Variants in KAZN observed in about 807,000 individuals in gnomAD.
KAZN encodes the protein kazrin.
A neutral mutation model predicts 87.4 loss-of-function variants in KAZN; 40 were observed. That is an observed-to-expected ratio of 0.46 (90% CI 0.36 to 0.60). KAZN has a LOEUF of 0.60. KAZN is among the 20% of genes least tolerant of loss of function. The pLI is 0.00. For missense variants in KAZN, 898 were observed against 1,073.9 expected, an observed-to-expected ratio of 0.84 and a Z score of 2.29; for synonymous variants, 466 against 458.3, an observed-to-expected ratio of 1.02 and a Z score of -0.22.
At chr1:14,867,399 T>C (rs1651588262) in intron 1 of KAZN, among the ~76,000 whole-genome samples, 1 of 152,162 alleles carries the variant, frequency 6.6e-6, no homozygotes, top group South Asian at 2.1e-4. Context: ...AAGACCATTG[T>C]ATTCCCCCGG....
chr1:14,334,406 G>T (rs1657081056), intron 2 of KAZN, among the ~76,000 whole-genome samples: 1 of 145,808 alleles, frequency 6.9e-6, no homozygotes, highest in South Asian at 2.2e-4. Context: ...TGGGAAGGCA[G>T]TGGTGGTCAG....
intron 2 of KAZN, among the ~76,000 whole-genome samples, chr1:14,480,682 TA>T (rs1669029801): frequency 1.4e-5 from 2 of 145,440 alleles, no homozygotes; most frequent in South Asian, 4.2e-4. Flanking sequence ...AAACTATATA[TA>T]ATATATAAAA....
At chr1:14,307,718 A>G (rs978154997) in intron 2 of KAZN, among the ~76,000 whole-genome samples, 1 of 152,184 alleles carries the variant, frequency 6.6e-6, no homozygotes, top group Non-Finnish European at 1.5e-5. Flanking sequence ...GCCCTCATAT[A>G]CAAAGAGGCA....
Position 14,599,273 on chromosome 1 carries a change from C to G in KAZN, c.226+50C>G. ...CGGAGGAAGGCGAGCAGAGCACGCC[C>G]GGCCTCGGAGGTGGCCGGGGACCCG... On this transcript the variant is annotated intron_variant, in intron 1 of 14. Coordinates refer to ENST00000376030, the MANE Select transcript of KAZN (RefSeq NM_201628.3). The surrounding 1 kb of genome is among the most constrained non-coding windows in gnomAD (Gnocchi z 4.4). 1 of 1,295,204 alleles carries G rather than the reference C, an allele frequency of 7.7e-7. No individual in the cohort carries two copies. Among genetic ancestry groups the G allele is most frequent in the African/African-American group, 1.5e-5 (1 of 64,844 alleles). 80.2% of individuals were successfully genotyped at this position (1,295,204 alleles called of 1,614,324 possible). A position where few individuals can be genotyped will look rare whatever the true frequency, so the allele number is the denominator to read the frequency against.
At chr1:14,413,933 A>G (rs1304668971) in intron 2 of KAZN, among the ~76,000 whole-genome samples, 1 of 152,228 alleles carries the variant, frequency 6.6e-6, no homozygotes, top group African/African-American at 2.4e-5. Flanking sequence ...TTCTAAGCAT[A>G]TAAAAAATGT....
chr1:14,906,177 T>TAATA (rs1557607755), intron 1 of KAZN, among the ~76,000 whole-genome samples: 16 of 33,500 alleles, frequency 4.8e-4, no homozygotes, highest in Admixed American at 7.8e-4. Context: ...AAAAATATAT[T>TAATA]ATAATAATAA....
intron 1 of KAZN, among the ~76,000 whole-genome samples, chr1:14,882,417 A>G (rs1653443418): frequency 6.6e-6 from 1 of 152,128 alleles, no homozygotes; most frequent in Non-Finnish European, 1.5e-5. Context: ...AAGTTGTTTA[A>G]TCTCTCTTGG....
At chr1:14,968,910 C>T (rs1216291273) in intron 2 of KAZN, among the ~76,000 whole-genome samples, 1 of 152,194 alleles carries the variant, frequency 6.6e-6, no homozygotes, top group Non-Finnish European at 1.5e-5. Flanking sequence ...CTGAAACCTA[C>T]GACACACTCA....
chr1:14,223,837 CAG>C (rs1647167589), intron 2 of KAZN, among the ~76,000 whole-genome samples: 1 of 152,124 alleles, frequency 6.6e-6, no homozygotes, highest in African/African-American at 2.4e-5. Context: ...CTGCTATGGT[CAG>C]AGGGGCAGTG....
intron 1 of KAZN, among the ~76,000 whole-genome samples, chr1:14,868,780 G>T (rs1423928621): frequency 6.6e-6 from 1 of 151,894 alleles, no homozygotes; most frequent in African/African-American, 2.4e-5. Flanking sequence ...GGAACTCAAG[G>T]CTGCAGTGAG....
chr1:14,549,366 T>A (rs1673360657), intron 2 of KAZN, among the ~76,000 whole-genome samples: 1 of 152,128 alleles, frequency 6.6e-6, no homozygotes, highest in Non-Finnish European at 1.5e-5. Flanking sequence ...TAGGAAACAG[T>A]CCTGGCCAAT....
chr1:14,986,731 A>G (rs563352999), intron 2 of KAZN, among the ~76,000 whole-genome samples: 4 of 152,118 alleles, frequency 2.6e-5, no homozygotes, highest in Non-Finnish European at 5.9e-5. Context: ...ATCTAAGTCA[A>G]AGGGTCAGTT....
chr1:14,409,780 C>G (rs1664155488), intron 2 of KAZN, among the ~76,000 whole-genome samples: 1 of 152,038 alleles, frequency 6.6e-6, no homozygotes, highest in Non-Finnish European at 1.5e-5. Context: ...CTAGACGCTC[C>G]CTTCAAAAAC....
At chr1:14,712,013 A>G (rs74061315) in intron 1 of KAZN, among the ~76,000 whole-genome samples, 6,192 of 152,250 alleles carry the variant, frequency 0.041, 263 homozygotes, top group African/African-American at 0.11. Flanking sequence ...GGTGCAGGCA[A>G]TTGAAAAGGC....
Position 14,697,245 on chromosome 1 carries a change from G to A in KAZN, c.226+98022G>A, listed in dbSNP as rs1324734128. 2.0e-5 allele frequency among the ~76,000 whole-genome samples: 3 copies of A among 151,834 alleles called. No homozygotes were observed. In the East Asian group the frequency reaches 5.8e-4, roughly 29 times the overall value. ...CTCCAGAGGCTGAGGCAGGCGGATT[G>A]TTTAAGCCCCGGGGGTCAAGGCTAC... On this transcript the variant is annotated intron_variant, in intron 1 of 14. Transcript: ENST00000376030.
At chr1:14,000,829 C>T in intron 1 of KAZN, among the ~76,000 whole-genome samples, 1 of 151,350 alleles carries the variant, frequency 6.6e-6, no homozygotes, top group Non-Finnish European at 1.5e-5. Flanking sequence ...GTCGCCCAGG[C>T]TGGAGTGCAG....
At chr1:14,159,797 T>G (rs1479449565) in intron 1 of KAZN, among the ~76,000 whole-genome samples, 1 of 152,200 alleles carries the variant, frequency 6.6e-6, no homozygotes, top group African/African-American at 2.4e-5. Context: ...GGCTCTTCAG[T>G]TAGCAGGTGA....
chr1:13,959,315 C>T (rs1641666640), intron 1 of KAZN, among the ~76,000 whole-genome samples: 1 of 152,194 alleles, frequency 6.6e-6, no homozygotes, highest in South Asian at 2.1e-4. Flanking sequence ...TATAAGCCAC[C>T]CAGTGTACAG....
intron 2 of KAZN, among the ~76,000 whole-genome samples, chr1:14,995,804 T>C (rs1667806231): frequency 6.6e-6 from 1 of 152,082 alleles, no homozygotes; most frequent in African/African-American, 2.4e-5. Context: ...CCTCGCCTGA[T>C]TTATATTTAC....
Sources: gnomAD v4.1 joint callset for allele counts (sites outside exome capture counted in the v4.1 genomes callset) on GRCh38, gnomAD v4.1.1 for gene constraint, Gnocchi (gnomAD v3.1) non-coding constraint, MANE v1.5 for transcripts, NCBI Gene and HGNC (gene_info 2026-07-23, HGNC 2026-07-21) for gene names.